MACROD2: variants seen among roughly 807,000 people sequenced by gnomAD.
The protein encoded by MACROD2 is mono-ADP ribosylhydrolase 2, also known as ADP-ribose glycohydrolase MACROD2.
In MACROD2, 36 loss-of-function variants were observed where a neutral mutation model predicts 70.4. That is an observed-to-expected ratio of 0.51 (90% confidence interval 0.39 to 0.68). The LOEUF (loss-of-function observed/expected upper bound fraction) is 0.68. Among genes scored for constraint, MACROD2 ranks in the 30% least tolerant of loss-of-function variants. The pLI is 0.00. For synonymous variants in MACROD2, 172 were observed against 178.8 expected (o/e 0.96, Z 0.30); for missense variants, 496 against 538.4 (o/e 0.92, Z 0.78).
chr20:15,948,379 C>G (rs1276425636), intron 12 of MACROD2, among the ~76,000 whole-genome samples: 5 of 29,786 alleles, frequency 1.7e-4, no homozygotes, highest in African/African-American at 5.5e-4. Context: ...AATCTTGCAA[C>G]TGCAAAAAAA....
chr20:14,243,924 C>G (rs934312204), intron 3 of MACROD2, among the ~76,000 whole-genome samples: 17 of 152,168 alleles, frequency 1.1e-4, no homozygotes, highest in African/African-American at 3.9e-4. Flanking sequence ...ATATGCTAGA[C>G]AGGGCCAGGG....
At chr20:14,819,784 G>A (rs2072819203) in intron 5 of MACROD2, among the ~76,000 whole-genome samples, 1 of 152,092 alleles carries the variant, frequency 6.6e-6, no homozygotes, top group Non-Finnish European at 1.5e-5. Flanking sequence ...CACTGGGAAG[G>A]CCCAGAGGCC....
At chr20:14,401,908 T>G (rs2083641772) in intron 3 of MACROD2, among the ~76,000 whole-genome samples, 1 of 152,154 alleles carries the variant, frequency 6.6e-6, no homozygotes, top group African/African-American at 2.4e-5. Context: ...CTTCCTGCTT[T>G]AGATCCACAA....
At chr20:14,567,142 G>C (rs910144162) in intron 4 of MACROD2, among the ~76,000 whole-genome samples, 1 of 151,728 alleles carries the variant, frequency 6.6e-6, no homozygotes, top group African/African-American at 2.4e-5. Context: ...CTAATTGTCA[G>C]AATATTTGAG....
At chr20:14,682,292 A>C (rs1261799454) in intron 4 of MACROD2, among the ~76,000 whole-genome samples, 2 of 151,994 alleles carry the variant, frequency 1.3e-5, no homozygotes, top group Admixed American at 6.6e-5. Flanking sequence ...TCTTGTAAAA[A>C]ATTTTCATAT....
intron 4 of MACROD2, among the ~76,000 whole-genome samples, chr20:14,669,423 A>G (rs1186251554): frequency 6.6e-6 from 1 of 151,358 alleles, no homozygotes; most frequent in African/African-American, 2.4e-5. Flanking sequence ...GCTCCTTAAT[A>G]TTTTTAATCC....
chr20:15,856,073 A>C (rs2064353411), intron 8 of MACROD2, among the ~76,000 whole-genome samples: 1 of 152,198 alleles, frequency 6.6e-6, no homozygotes, highest in Admixed American at 6.5e-5. Context: ...TAAGACATGT[A>C]CATATTCAGC....
At chr20:15,700,120 GC>G (rs1568981666) in intron 8 of MACROD2, among the ~76,000 whole-genome samples, 1 of 152,192 alleles carries the variant, frequency 6.6e-6, no homozygotes, top group Non-Finnish European at 1.5e-5. Context: ...CTCGGGTCCT[GC>G]AGGAGCAGTC....
intron 5 of MACROD2, among the ~76,000 whole-genome samples, chr20:14,714,500 T>C (rs1160206210): frequency 6.6e-6 from 1 of 152,204 alleles, no homozygotes; most frequent in Non-Finnish European, 1.5e-5. Context: ...TCTTATTTTT[T>C]CCTCCATGTC....
chr20:14,055,307 C>A (rs1321457779), intron 2 of MACROD2, among the ~76,000 whole-genome samples: 1 of 151,838 alleles, frequency 6.6e-6, no homozygotes, highest in African/African-American at 2.4e-5. Flanking sequence ...ACTTGTTATT[C>A]ATAGTCTTTG....
At chr20:15,043,535 A>G (rs2075370742) in intron 5 of MACROD2, among the ~76,000 whole-genome samples, 1 of 152,182 alleles carries the variant, frequency 6.6e-6, no homozygotes, top group Non-Finnish European at 1.5e-5. Context: ...CTTCTTTTGA[A>G]AGATTGTCTT....
chr20:15,317,482 A>AATCTAATCT (rs1555804024), intron 6 of MACROD2, among the ~76,000 whole-genome samples: 25 of 145,868 alleles, frequency 1.7e-4, no homozygotes, highest in Admixed American at 1.1e-3. Flanking sequence ...CCATCCATCT[A>AATCTAATCT]ATCTATCTAT....
At chr20:15,074,075 A>G (rs560188685) in intron 5 of MACROD2, among the ~76,000 whole-genome samples, 2 of 152,312 alleles carry the variant, frequency 1.3e-5, no homozygotes, top group South Asian at 2.1e-4. Flanking sequence ...GTTTATTTGA[A>G]TACTGTGAAG....
rs146808487 is a variant in MACROD2, at chr20:14,921,824, A to G, written c.418+236865A>G. Among the ~76,000 whole-genome samples the G allele has an allele frequency of 2.1e-3, 320 of 152,318 alleles. 1 individual carries two copies. The highest frequency in any genetic ancestry group is 3.6e-3 in the Non-Finnish European group (245 of 68,026). Reference sequence around the variant, plus strand: ...GTCCAATGAAGAAATTATTTACTCAAACATTTCCATATTAGCATGTAATGT... The same window carrying G: ...GTCCAATGAAGAAATTATTTACTCAGACATTTCCATATTAGCATGTAATGT... On this transcript the variant is annotated intron_variant, in intron 5 of 17. Transcript: ENST00000684519.
chr20:15,745,545 G>A (rs6043503), intron 8 of MACROD2, among the ~76,000 whole-genome samples: 11,158 of 152,200 alleles, frequency 0.073, 1,366 homozygotes, highest in African/African-American at 0.25. Flanking sequence ...AAAGTCTTCA[G>A]TGATTCCTAT....
chr20:14,158,305 G>C (rs953343222), intron 3 of MACROD2, among the ~76,000 whole-genome samples: 2 of 152,030 alleles, frequency 1.3e-5, no homozygotes, highest in Admixed American at 1.3e-4. Flanking sequence ...TGAGTTGTTT[G>C]AGTTCCTTGT....
chr20:14,160,994 C>T (rs889451032), intron 3 of MACROD2, among the ~76,000 whole-genome samples: 3 of 151,960 alleles, frequency 2.0e-5, no homozygotes, highest in African/African-American at 7.3e-5. Context: ...CCCCTTACAC[C>T]CTCTCTCCTT....
chr20:15,617,334 G>A (rs2049053330), intron 8 of MACROD2, among the ~76,000 whole-genome samples: 1 of 152,108 alleles, frequency 6.6e-6, no homozygotes, highest in Non-Finnish European at 1.5e-5. Flanking sequence ...GGGGCTTGGG[G>A]AGCACAGTTA....
intron 3 of MACROD2, among the ~76,000 whole-genome samples, chr20:14,365,337 T>C (rs1003033888): frequency 1.3e-5 from 2 of 151,614 alleles, no homozygotes; most frequent in Admixed American, 6.6e-5. Context: ...AAAAGTGGGA[T>C]AAATAAATGA....
Sources: gnomAD v4.1 joint callset for allele counts (sites outside exome capture counted in the v4.1 genomes callset) on GRCh38, gnomAD v4.1.1 for gene constraint, MANE v1.5 for transcripts, NCBI Gene and HGNC (gene_info 2026-07-23, HGNC 2026-07-21) for gene names.